GRIN1: variants seen among roughly 807,000 people sequenced by gnomAD.
GRIN1 encodes glutamate receptor ionotropic, NMDA 1.
A neutral mutation model predicts 103.0 loss-of-function variants in GRIN1; 38 were observed. The observed-to-expected ratio is 0.37, with a 90% confidence interval of 0.28 to 0.48. The LOEUF (loss-of-function observed/expected upper bound fraction) is 0.48, where lower values mean the gene tolerates loss of function less well. Ranked by LOEUF, GRIN1 falls within the 20% of genes least tolerant of loss-of-function variation. GRIN1 has a pLI of 0.98. For missense variants in GRIN1, 577 were observed against 1,288.9 expected (o/e 0.45, Z 8.46); for synonymous variants, 544 against 532.7 (o/e 1.02, Z -0.29).
At chr9:137,164,017 C>A in intron 18 of GRIN1, 113 bp downstream of exon 18, 1 of 1,302,246 alleles carries the variant, frequency 7.7e-7, no homozygotes, top group Non-Finnish European at 1.1e-6. Flanking sequence ...AGGACTGGAG[C>A]TAGGAGCCAT....
chr9:137,156,318 A>G (rs951106790), intron 4 of GRIN1, among the ~76,000 whole-genome samples: 11 of 152,172 alleles, frequency 7.2e-5, no homozygotes, highest in Non-Finnish European at 1.6e-4. Context: ...AGTCAGTCCC[A>G]TAAGCCAGGT....
chr9:137,167,856 G>A lies in GRIN1; in HGVS notation c.*329G>A. ...ACCGTGGTGTGAGGCCCCCGGAGGC[G>A]CCCACCTGCCCAGTTAGCCCGGCCA... On this transcript the variant is annotated 3_prime_UTR_variant, in exon 20 of 20. Coordinates refer to ENST00000371561, the MANE Select transcript of GRIN1 (RefSeq NM_007327.4). The A allele has an allele frequency of 3.1e-6, 5 of 1,609,430 alleles. No individual in the cohort carries two copies. The highest frequency in any genetic ancestry group is 1.7e-4 in the Middle Eastern group (1 of 6,054).
intron 8 of GRIN1, among the ~76,000 whole-genome samples, chr9:137,160,596 A>AT (rs981119324): frequency 2.0e-5 from 3 of 151,976 alleles, no homozygotes; most frequent in South Asian, 2.1e-4. Flanking sequence ...CGCCCGGCTA[A>AT]TTTTTTTGTA....
At chr9:137,165,373 C>T (rs570349972) in intron 19 of GRIN1, 77 bp downstream of exon 19, 16 of 933,108 alleles carry the variant, frequency 1.7e-5, no homozygotes, top group African/African-American at 4.8e-5. Flanking sequence ...CCCATCACCC[C>T]GCCCCGGACC....
Position 137,145,846 on chromosome 9 carries a change from G to C in GRIN1, c.514G>C (p.Glu172Gln). 6.2e-7 allele frequency: 1 copy of C among 1,611,832 alleles called. No homozygotes were observed. Among genetic ancestry groups the C allele is most frequent in the Non-Finnish European group, 8.5e-7 (1 of 1,179,054 alleles). Reference protein sequence around the residue: ...HIILLVSDDHEGRAAQKRLET... With the variant: ...HIILLVSDDHQGRAAQKRLET... ...CATCCTGCTGGTCAGCGACGACCACGAGGGCCGGGCGGCTCAGAAACGCCT... is the reference window on the plus strand; with the variant it reads ...CATCCTGCTGGTCAGCGACGACCACCAGGGCCGGGCGGCTCAGAAACGCCT... The change falls in exon 3 of 20, where the codon GAG becomes CAG. Residue 172 changes from glutamate (E) to glutamine (Q), a missense_variant. Around this residue, in one of 9 missense-constraint regions of GRIN1, gnomAD observed 308 missense variants for 553.6 expected, o/e 0.56. Transcript: ENST00000371561.
At position 137,139,448 on chromosome 9, in the gene GRIN1, C is replaced by T. The variant is rs759827008; in HGVS notation, c.-39C>T. 2.1e-6 allele frequency: 3 copies of T among 1,427,150 alleles called. No individual in the cohort carries two copies. The highest frequency in any genetic ancestry group is 2.8e-6 in the Non-Finnish European group (3 of 1,089,972). 88.4% of individuals were successfully genotyped at this position (1,427,150 alleles called of 1,614,324 possible). On this transcript the variant is annotated 5_prime_UTR_variant, in exon 1 of 20. Coordinates refer to ENST00000371561, the MANE Select transcript of GRIN1 (RefSeq NM_007327.4). The surrounding 1 kb of genome is among the most constrained non-coding windows in gnomAD (Gnocchi z 7.7). Reference sequence around the variant, plus strand: ...CGCGGGGGATGCGCCGAGGGCCCCGCGTTCGCGCCGCGCAGAGCCAGGCCC... The same window carrying T: ...CGCGGGGGATGCGCCGAGGGCCCCGTGTTCGCGCCGCGCAGAGCCAGGCCC...
In GRIN1 at chr9:137,162,160, G is replaced by A; in HGVS notation, c.1633-12G>A. The A allele has an allele frequency of 2.6e-6, 4 of 1,543,886 alleles. No individual in the cohort carries two copies. The highest frequency in any genetic ancestry group is 3.5e-6 in the Non-Finnish European group (4 of 1,146,716). ...AGGGCCCGGGCCGCGCTGACCTCGC[G>A]TCCCTCCGCAGGAGATTCCCCGGAG... is the stretch of plus-strand genomic sequence containing the variant. On this transcript the variant is annotated splice_polypyrimidine_tract_variant and intron_variant, in intron 11 of 19. Transcript: ENST00000371561.
chr9:137,150,428 G>C (rs537268025), intron 4 of GRIN1, among the ~76,000 whole-genome samples: 89 of 133,036 alleles, frequency 6.7e-4, no homozygotes, highest in African/African-American at 2.3e-3. Flanking sequence ...CCCACCCAGG[G>C]AAAGCTCCAC....
chr9:137,154,380 C>T (rs1292160101), intron 4 of GRIN1, among the ~76,000 whole-genome samples: 1 of 150,930 alleles, frequency 6.6e-6, no homozygotes, highest in African/African-American at 2.4e-5. Context: ...CCACCTCGGC[C>T]TCCCAAAGGG....
At chr9:137,143,449 C>T (rs1166145168) in intron 2 of GRIN1, among the ~76,000 whole-genome samples, 2 of 152,250 alleles carry the variant, frequency 1.3e-5, no homozygotes, top group African/African-American at 4.8e-5. Context: ...CCTCCTTCGC[C>T]TCTCTGGGCA....
At position 137,167,604 on chromosome 9, in the gene GRIN1, G is replaced by T; in HGVS notation, c.*77G>T. ...CGGACGGGACAGCGGCCCGGCCCAC[G>T]CAGAGCCCCGGAGCACCACGGGGTC... On this transcript the variant is annotated 3_prime_UTR_variant, in exon 20 of 20. Coordinates refer to ENST00000371561, the MANE Select transcript of GRIN1 (RefSeq NM_007327.4). 1 of 1,363,276 alleles carries T rather than the reference G, an allele frequency of 7.3e-7. No homozygotes were observed. Among genetic ancestry groups the T allele is most frequent in the Non-Finnish European group, 9.7e-7 (1 of 1,032,716 alleles). The allele number at this position is 1,363,276 out of a possible 1,614,324, so 84.4% of individuals were successfully genotyped here.
intron 3 of GRIN1, among the ~76,000 whole-genome samples, chr9:137,147,017 T>TCCCCCAAGCACCCGACAGGCCCCTC: frequency 1.5e-5 from 1 of 67,068 alleles, no homozygotes; most frequent in East Asian, 3.9e-4. Context: ...GACAGGCCCC[T>TCCCCCAAGCACCCGACAGGCCCCTC]CCCCCCAGCG....
intron 2 of GRIN1, among the ~76,000 whole-genome samples, chr9:137,145,462 C>G (rs1832464874): frequency 7.7e-6 from 1 of 129,794 alleles, no homozygotes; most frequent in African/African-American, 3.2e-5. Flanking sequence ...GTCCCAGAGT[C>G]TAGAAAGTGT....
At position 137,168,674 on chromosome 9, in the gene GRIN1, T is replaced by G. The variant is rs981957202; in HGVS notation, c.*1147T>G. On this transcript the variant is annotated 3_prime_UTR_variant, in exon 20 of 20. Coordinates refer to ENST00000371561, the MANE Select transcript of GRIN1 (RefSeq NM_007327.4). ...CCCGTGCGCAGCCGCGCTCTGCCCC[T>G]CCGTCCCCAGGGTGCAGGCGCGCAC... is the stretch of plus-strand genomic sequence containing the variant. 23 of 429,338 alleles carry G rather than the reference T, an allele frequency of 5.4e-5. No individual in the cohort carries two copies. The highest frequency in any genetic ancestry group is 8.2e-5 in the Non-Finnish European group (22 of 269,906). The allele number at this position is 429,338 out of a possible 1,614,324, so 26.6% of individuals were successfully genotyped here. A position where few individuals can be genotyped will look rare whatever the true frequency, so the allele number is the denominator to read the frequency against.
chr9:137,148,321 G>T, intron 3 of GRIN1: 2 of 723,196 alleles, frequency 2.8e-6, no homozygotes, highest in Non-Finnish European at 4.6e-6. Flanking sequence ...GCAGGCCCAA[G>T]CAATGAGGAG....
Position 137,151,675 on chromosome 9 carries a change from C to T in GRIN1, c.671+2566C>T, listed in dbSNP as rs1832923889. On this transcript the variant is annotated intron_variant, in intron 4 of 19. Coordinates refer to ENST00000371561, the MANE Select transcript of GRIN1 (RefSeq NM_007327.4). ...ACTCTCAGAAGTTAATTTCCTTTTT[C>T]GTTGTTTTGAGAGGGAGTCTTGCTT... Among the ~76,000 whole-genome samples the T allele has an allele frequency of 2.6e-5, 4 of 152,148 alleles. 1 individual carries two copies. The South Asian group carries it at 8.3e-4, about 31-fold the overall frequency.
intron 8 of GRIN1, among the ~76,000 whole-genome samples, chr9:137,160,117 G>A (rs1055344217): frequency 1.3e-5 from 2 of 152,272 alleles, no homozygotes; most frequent in Admixed American, 6.5e-5. Context: ...CCAAGCAGGA[G>A]TGTGGGTCGA....
At position 137,139,292 on chromosome 9, in the gene GRIN1, G is replaced by A. The variant is rs1485281983; in HGVS notation, c.-195G>A. On this transcript the variant is annotated 5_prime_UTR_variant, in exon 1 of 20. Coordinates refer to ENST00000371561, the MANE Select transcript of GRIN1 (RefSeq NM_007327.4). This position sits in a 1 kb window ranked among gnomAD's most constrained non-coding sequence, Gnocchi z 7.7. ...CCGCGGACAGCGCCGGCCGCGTGGG[G>A]CTGAGCCCCGAGCCCCCGCGCACGC... The A allele has an allele frequency of 1.3e-5, 3 of 226,456 alleles. No individual in the cohort carries two copies. The highest frequency in any genetic ancestry group is 1.6e-4 in the South Asian group (1 of 6,094). The allele number at this position is 226,456 out of a possible 1,614,324, so 14.0% of individuals were successfully genotyped here.
In GRIN1 at chr9:137,168,587, G is replaced by T; in HGVS notation, c.*1060G>T. On this transcript the variant is annotated 3_prime_UTR_variant, in exon 20 of 20. Transcript: ENST00000371561. ...CCGCCCTCGCTCCGGGTGCGTGACC[G>T]GCCCGCCACCTTGTACAGAACCAGC... 3.3e-6 allele frequency: 1 copy of T among 304,750 alleles called. No homozygotes were observed. The highest frequency in any genetic ancestry group is 6.0e-6 in the Non-Finnish European group (1 of 167,872). The allele number at this position is 304,750 out of a possible 1,614,324, so 18.9% of individuals were successfully genotyped here. A position where few individuals can be genotyped will look rare whatever the true frequency, so the allele number is the denominator to read the frequency against.
Sources: allele counts gnomAD v4.1 joint callset (sites outside exome capture counted in the v4.1 genomes callset), GRCh38; gene constraint gnomAD v4.1.1; regional missense constraint gnomAD v4.1.1; non-coding constraint Gnocchi (gnomAD v3.1); transcripts MANE v1.5; gene names NCBI Gene and HGNC (gene_info 2026-07-23, HGNC 2026-07-21).